The following CROT variants were observed in gnomAD, a reference collection of about 807,000 sequenced individuals.
The protein encoded by CROT is carnitine O-octanoyltransferase, also known as peroxisomal carnitine O-octanoyltransferase.
CROT carries 84 observed loss-of-function variants against 89.2 expected under a neutral mutation model. The observed-to-expected ratio is 0.94, with a 90% CI of 0.79 to 1.13. The LOEUF is 1.13. Among genes scored for constraint, CROT ranks in the 50% most tolerant of loss-of-function variants. The pLI is 0.00. For missense variants in CROT, 711 were observed against 727.8 expected (o/e 0.98, Z 0.27); for synonymous variants, 212 against 239.5 (o/e 0.89, Z 1.06).
intron 6 of CROT, among the ~76,000 whole-genome samples, chr7:87,365,961 G>A: frequency 6.6e-6 from 1 of 152,010 alleles, no homozygotes; most frequent in Admixed American, 6.6e-5. Flanking sequence ...GACTAATTCA[G>A]TCATACCTTT....
chr7:87,392,489 T>A (rs191447446), intron 14 of CROT, 77 bp from the exon 15 acceptor site: 1 of 1,113,738 alleles, frequency 9.0e-7, no homozygotes, highest in East Asian at 2.4e-5. Flanking sequence ...CAATCCTAAT[T>A]ACAATGAGCT....
intron 6 of CROT, among the ~76,000 whole-genome samples, chr7:87,366,454 T>A (rs1431833723): frequency 6.6e-6 from 1 of 152,184 alleles, no homozygotes; most frequent in Non-Finnish European, 1.5e-5. Flanking sequence ...TTAGCTCCAG[T>A]GCCTGTCTTT....
At chr7:87,353,621 G>T (rs802041) in intron 3 of CROT, among the ~76,000 whole-genome samples, 120,173 of 152,202 alleles carry the variant, frequency 0.79, 47,885 homozygotes, top group African/African-American at 0.89. Flanking sequence ...TGCTGGTATC[G>T]GCTTCTGGAA....
At chr7:87,362,520 T>A (rs1343509039) in intron 6 of CROT, among the ~76,000 whole-genome samples, 1 of 152,064 alleles carries the variant, frequency 6.6e-6, no homozygotes, top group Non-Finnish European at 1.5e-5. Flanking sequence ...AGTCTCAAAC[T>A]CCTGGGCTCA....
intron 10 of CROT, among the ~76,000 whole-genome samples, chr7:87,378,495 A>G (rs1407753796): frequency 2.0e-5 from 3 of 152,206 alleles, no homozygotes; most frequent in African/African-American, 7.2e-5. Context: ...CAATGTTCAA[A>G]TGCTTTCATT....
intron 6 of CROT, among the ~76,000 whole-genome samples, chr7:87,362,118 C>G (rs542545247): frequency 3.9e-5 from 6 of 152,272 alleles, no homozygotes; most frequent in African/African-American, 1.2e-4. Context: ...AGAGTAGAAT[C>G]AGAGTATTAA....
rs778111192 is a variant in CROT, at chr7:87,359,396, T to G, written c.240+66T>G. On this transcript the variant is annotated intron_variant, in intron 4 of 17. Coordinates refer to ENST00000331536, the MANE Select transcript of CROT (RefSeq NM_021151.4). Reference sequence around the variant, plus strand: ...ATGATAAATAAAAAGTGCATAGTTTTTATTTTTAAATTATTGCTGTAAAAA... The same window carrying G: ...ATGATAAATAAAAAGTGCATAGTTTGTATTTTTAAATTATTGCTGTAAAAA... 3 of 1,512,336 alleles carry G rather than the reference T, an allele frequency of 2.0e-6. No individual in the cohort carries two copies. The African/African-American group carries it at 4.3e-5, about 21-fold the overall frequency. 93.7% of individuals were successfully genotyped at this position (1,512,336 alleles called of 1,614,324 possible). A position where few individuals can be genotyped will look rare whatever the true frequency, so the allele number is the denominator to read the frequency against.
rs1440140617 is a variant in CROT at position 87,349,160 on chromosome 7, C to G, written c.92C>G (p.Ser31Ter). The part of the protein sequence containing the change: ...PSLPVPSLEE[S>*]LKKYLESVKP... ...CTGCCTGTTCCTTCACTTGAAGAAT[C>G]ATTAAAAAAATACCTTGAATCAGGT... is the stretch of plus-strand genomic sequence containing the variant. Residue 31 changes from serine to a stop codon, truncating the protein, a stop_gained, in exon 3 of 18, where the codon TCA becomes TGA. Transcript: ENST00000331536. LOFTEE classifies it high-confidence loss of function. 1 of 1,581,956 alleles carries G rather than the reference C, an allele frequency of 6.3e-7. No homozygotes were observed. The highest frequency in any genetic ancestry group is 2.3e-5 in the East Asian group (1 of 44,226).
intron 3 of CROT, 36 bp from the exon 4 acceptor site, chr7:87,359,170 G>T: frequency 7.2e-7 from 1 of 1,389,340 alleles, no homozygotes; most frequent in Non-Finnish European, 1.0e-6. Context: ...GGTGGTACTT[G>T]GTCTAAATAC....
At chr7:87,393,163 G>T in intron 17 of CROT, 96 bp downstream of exon 17, 2 of 1,305,240 alleles carry the variant, frequency 1.5e-6, no homozygotes, top group Non-Finnish European at 2.1e-6. Flanking sequence ...TTCTTATATT[G>T]CCATCTGTCA....
At chr7:87,397,230 A>G (rs913113602) in intron 17 of CROT, among the ~76,000 whole-genome samples, 5 of 152,026 alleles carry the variant, frequency 3.3e-5, no homozygotes, top group Non-Finnish European at 7.4e-5. Context: ...ACACACCTGT[A>G]GTCTGAGTTA....
At chr7:87,359,748 T>C (rs1806214860) in intron 4 of CROT, 1 of 999,358 alleles carries the variant, frequency 1.0e-6, no homozygotes, top group African/African-American at 1.7e-5. Context: ...AAGGGAATCA[T>C]TAAAAATCAG....
intron 9 of CROT, among the ~76,000 whole-genome samples, chr7:87,376,913 T>C (rs903196394): frequency 6.6e-6 from 1 of 152,170 alleles, no homozygotes; most frequent in African/African-American, 2.4e-5. Flanking sequence ...TGAGTTAATT[T>C]CATGATCCAT....
chr7:87,346,067 A>T (rs1805660032), intron 1 of CROT, among the ~76,000 whole-genome samples: 1 of 152,138 alleles, frequency 6.6e-6, no homozygotes, highest in Admixed American at 6.5e-5. Context: ...CCACTCTGCG[A>T]CGAACCTGTT....
At chr7:87,375,459 A>G (rs1806779034) in intron 7 of CROT, 173 bp from the exon 8 acceptor site, 1 of 559,106 alleles carries the variant, frequency 1.8e-6, no homozygotes, top group Non-Finnish European at 3.2e-6. Context: ...TGTTAATAGA[A>G]CACAATCACT....
At chr7:87,361,615 C>A (rs763680381) in intron 5 of CROT, 44 bp downstream of exon 5, 1 of 1,545,336 alleles carries the variant, frequency 6.5e-7, no homozygotes, top group Admixed American at 2.1e-5. Flanking sequence ...CCTGAAGTCT[C>A]AGGTAGCAAA....
At chr7:87,390,260 A>G (rs1469643932) in intron 13 of CROT, among the ~76,000 whole-genome samples, 2 of 152,164 alleles carry the variant, frequency 1.3e-5, no homozygotes, top group Admixed American at 1.3e-4. Context: ...TAAGATTAAG[A>G]GTGTGTTTAC....
Position 87,398,523 on chromosome 7 carries a change from G to A in CROT, c.1719-1G>A. 1 of 1,613,524 alleles carries A rather than the reference G, an allele frequency of 6.2e-7. No individual in the cohort carries two copies. The highest frequency in any genetic ancestry group is 1.3e-5 in the African/African-American group (1 of 75,022). The stretch of plus-strand genomic sequence containing the variant: ...CATTAATCATTATTTATGCTTCACA[G>A]GTTTGTTGTGGCCTGTTCAGCCTGG... On this transcript the variant is annotated splice_acceptor_variant, in intron 17 of 17. Transcript: ENST00000331536. LOFTEE classifies it high-confidence loss of function.
At chr7:87,385,141 T>C (rs2116078992) in intron 13 of CROT, among the ~76,000 whole-genome samples, 1 of 152,222 alleles carries the variant, frequency 6.6e-6, no homozygotes, top group South Asian at 2.1e-4. Context: ...CTCAAGCTTT[T>C]TTTTTTTTCC....
Sources: gnomAD v4.1 joint callset for allele counts (sites outside exome capture counted in the v4.1 genomes callset) on GRCh38, gnomAD v4.1.1 for gene constraint, MANE v1.5 for transcripts, NCBI Gene and HGNC (gene_info 2026-07-23, HGNC 2026-07-21) for gene names.